The following PDE3A variants were observed in gnomAD, a reference collection of about 807,000 sequenced individuals.
PDE3A encodes the protein phosphodiesterase 3A.
Under a neutral mutation model 98.3 loss-of-function variants are expected in PDE3A, and 43 were observed. The observed-to-expected ratio is 0.44, with a 90% confidence interval of 0.34 to 0.56. The LOEUF (loss-of-function observed/expected upper bound fraction) is 0.56. Among genes scored for constraint, PDE3A ranks in the 20% least tolerant of loss-of-function variants. PDE3A has a pLI of 0.01. For synonymous variants in PDE3A, 663 were observed against 567.9 expected (o/e 1.17, Z -2.38); for missense variants, 1,427 against 1,440.7 (o/e 0.99, Z 0.15).
rs374976454 is a variant in PDE3A, at chr12:20,667,991, G to A, written c.3185-12039G>A. 4.0e-4 allele frequency among the ~76,000 whole-genome samples: 61 copies of A among 152,224 alleles called. 1 individual carries two copies. Among genetic ancestry groups the A allele is most frequent in the Middle Eastern group, 6.8e-3 (2 of 294 alleles). ...AGTGGGCGCAGGTCAGTGGGTGCGC[G>A]CACCGTGCGCGAGCCAAAGCAGGGC... On this transcript the variant is annotated intron_variant, in intron 15 of 15. Transcript: ENST00000359062.
Position 20,525,632 on chromosome 12 carries a change from T to C in PDE3A, c.961-31028T>C, listed in dbSNP as rs565499589. On this transcript the variant is annotated intron_variant, in intron 1 of 15. Transcript: ENST00000359062. Reference sequence around the variant, plus strand: ...AACACCAGTCATTGTTTATATGATTTACTCTTAATAGGATTTTGATATTCT... The same window carrying C: ...AACACCAGTCATTGTTTATATGATTCACTCTTAATAGGATTTTGATATTCT... 8.5e-5 allele frequency among the ~76,000 whole-genome samples: 13 copies of C among 152,332 alleles called. No homozygotes were observed. In the East Asian group the frequency reaches 2.3e-3, roughly 27 times the overall value.
chr12:20,614,646 A>G (rs1445578730), intron 3 of PDE3A, among the ~76,000 whole-genome samples: 2 of 152,154 alleles, frequency 1.3e-5, no homozygotes, highest in African/African-American at 4.8e-5. Context: ...TCAGGTCTCA[A>G]ATTAGACCTG....
At chr12:20,654,531 C>G (rs1944996570) in intron 15 of PDE3A, among the ~76,000 whole-genome samples, 1 of 150,320 alleles carries the variant, frequency 6.7e-6, no homozygotes, top group South Asian at 2.1e-4. Flanking sequence ...GAGTCTTGCT[C>G]TGTCACCCAG....
intron 1 of PDE3A, among the ~76,000 whole-genome samples, chr12:20,471,141 C>A (rs1945432766): frequency 6.6e-6 from 1 of 152,122 alleles, no homozygotes; most frequent in Non-Finnish European, 1.5e-5. Context: ...TGCCCATTCC[C>A]AGGTTTTACC....
chr12:20,485,021 T>C (rs1945700605), intron 1 of PDE3A, among the ~76,000 whole-genome samples: 1 of 152,168 alleles, frequency 6.6e-6, no homozygotes, highest in Admixed American at 6.5e-5. Context: ...AGATCAAAAG[T>C]AGCATGTGAA....
chr12:20,471,735 C>G (rs897363967), intron 1 of PDE3A, among the ~76,000 whole-genome samples: 1 of 152,264 alleles, frequency 6.6e-6, no homozygotes, highest in African/African-American at 2.4e-5. Flanking sequence ...TAAAACTCCA[C>G]ATTTCAAAGA....
At position 20,612,669 on chromosome 12, in the gene PDE3A, T is replaced by A. The variant is rs1261360162; in HGVS notation, c.1012-774T>A. Among the ~76,000 whole-genome samples the A allele has an allele frequency of 3.1e-3, 25 of 8,128 alleles. 1 individual carries two copies. The highest frequency in any genetic ancestry group is 6.7e-3 in the African/African-American group (24 of 3,594). The allele number at this position is 8,128 out of a possible 152,430, so 5.3% of individuals were successfully genotyped here. A position where few individuals can be genotyped will look rare whatever the true frequency, so the allele number is the denominator to read the frequency against. On this transcript the variant is annotated intron_variant, in intron 2 of 15. Coordinates refer to ENST00000359062, the MANE Select transcript of PDE3A (RefSeq NM_000921.5). The stretch of plus-strand genomic sequence containing the variant: ...AGTAACTATATATAAGTAATATAGT[T>A]ACTTATATAAGTAACTATATATAAG...
chr12:20,546,171 T>C (rs892680146), intron 1 of PDE3A, among the ~76,000 whole-genome samples: 2 of 151,962 alleles, frequency 1.3e-5, no homozygotes, highest in Non-Finnish European at 2.9e-5. Context: ...GCACCACCTG[T>C]ATTAGGTCTT....
intron 1 of PDE3A, among the ~76,000 whole-genome samples, chr12:20,412,792 C>T (rs1490638415): frequency 6.6e-6 from 1 of 152,112 alleles, no homozygotes; most frequent in African/African-American, 2.4e-5. Flanking sequence ...GATTTTTAGC[C>T]ATCTTTTTCC....
intron 1 of PDE3A, among the ~76,000 whole-genome samples, chr12:20,402,623 G>C (rs907723089): frequency 1.3e-5 from 2 of 152,044 alleles, no homozygotes; most frequent in Non-Finnish European, 2.9e-5. Flanking sequence ...TGAATGTATA[G>C]AAGACAACTA....
chr12:20,462,924 A>T (rs970659341), intron 1 of PDE3A, among the ~76,000 whole-genome samples: 3 of 151,630 alleles, frequency 2.0e-5, no homozygotes, highest in African/African-American at 7.3e-5. Flanking sequence ...TGAGTATACC[A>T]CCATGCCAGG....
At chr12:20,571,268 A>G (rs1461533437) in intron 2 of PDE3A, among the ~76,000 whole-genome samples, 1 of 152,166 alleles carries the variant, frequency 6.6e-6, no homozygotes, top group Non-Finnish European at 1.5e-5. Flanking sequence ...GAAATGAGGG[A>G]AAATAAATGT....
chr12:20,645,881 CTTTTT>C (rs1565461178), intron 10 of PDE3A, among the ~76,000 whole-genome samples: 1 of 152,012 alleles, frequency 6.6e-6, no homozygotes, highest in Non-Finnish European at 1.5e-5. Context: ...TTTTCTTTTT[CTTTTT>C]AAGTATTTCT....
chr12:20,672,384 C>T (rs551583244), intron 15 of PDE3A, among the ~76,000 whole-genome samples: 62 of 81,210 alleles, frequency 7.6e-4, no homozygotes, highest in Middle Eastern at 6.8e-3. Flanking sequence ...GAGCCCGCAT[C>T]GCCAAGTCAA....
At chr12:20,676,994 A>C (rs1007387769) in intron 15 of PDE3A, among the ~76,000 whole-genome samples, 3 of 152,150 alleles carry the variant, frequency 2.0e-5, no homozygotes, top group African/African-American at 7.2e-5. Context: ...GGACACTGAA[A>C]ATTCAAATAT....
intron 1 of PDE3A, among the ~76,000 whole-genome samples, chr12:20,450,410 C>A (rs1945043367): frequency 1.3e-5 from 2 of 152,186 alleles, no homozygotes; most frequent in Admixed American, 6.5e-5. Flanking sequence ...TATTCTTGAA[C>A]CTTTTAGCCA....
chr12:20,418,592 A>G (rs1266739657), intron 1 of PDE3A, among the ~76,000 whole-genome samples: 3 of 152,188 alleles, frequency 2.0e-5, no homozygotes, highest in Non-Finnish European at 4.4e-5. Context: ...CAGAATGTCA[A>G]GATAGTTATG....
Position 20,646,416 on chromosome 12 carries a change from C to A in PDE3A, c.2252-74C>A, listed in dbSNP as rs1335335388. The A allele has an allele frequency of 1.2e-5, 10 of 824,346 alleles. No individual in the cohort carries two copies. In the Admixed American group the frequency reaches 1.4e-4, roughly 12 times the overall value. The allele number at this position is 824,346 out of a possible 1,614,324, so 51.1% of individuals were successfully genotyped here. A position where few individuals can be genotyped will look rare whatever the true frequency, so the allele number is the denominator to read the frequency against. On this transcript the variant is annotated intron_variant, in intron 10 of 15. Coordinates refer to ENST00000359062, the MANE Select transcript of PDE3A (RefSeq NM_000921.5). ...AAAATGTTAGGACTAAACTGTTTGTCCAGTAGATGGCACTCTTAGTTCTTG... is the reference window on the plus strand; with the variant it reads ...AAAATGTTAGGACTAAACTGTTTGTACAGTAGATGGCACTCTTAGTTCTTG...
intron 1 of PDE3A, among the ~76,000 whole-genome samples, chr12:20,464,971 TAAG>T (rs1428013222): frequency 6.6e-6 from 1 of 152,172 alleles, no homozygotes; most frequent in Non-Finnish European, 1.5e-5. Flanking sequence ...TATTATGAAT[TAAG>T]AAGCAGTTAC....
Sources: allele counts gnomAD v4.1 joint callset (sites outside exome capture counted in the v4.1 genomes callset), GRCh38; gene constraint gnomAD v4.1.1; transcripts MANE v1.5; gene names NCBI Gene and HGNC (gene_info 2026-07-23, HGNC 2026-07-21).